Variants in PCDHGA7 observed in about 807,000 individuals in gnomAD.
The protein encoded by PCDHGA7 is protocadherin gamma-A7.
PCDHGA7 carries 44 observed loss-of-function variants against 58.3 expected under a neutral mutation model. The observed-to-expected ratio is 0.75, with a 90% CI of 0.59 to 0.97. PCDHGA7 has a LOEUF of 0.97. PCDHGA7 is among the 50% of genes least tolerant of loss of function. The probability of loss-of-function intolerance (pLI) is 0.00; values close to 1 mark genes in which losing one functional copy is unlikely to be tolerated. For missense variants in PCDHGA7, 1,266 were observed against 1,188.7 expected (o/e 1.06, Z -0.96); for synonymous variants, 516 against 504.2 (o/e 1.02, Z -0.31).
intron 1 of PCDHGA7, chr5:141,388,157 C>T (rs750936402): frequency 1.4e-6 from 2 of 1,469,104 alleles, no homozygotes; most frequent in Non-Finnish European, 1.9e-6. Flanking sequence ...GCAGGCTAGA[C>T]AGGGAGGAGA....
intron 1 of PCDHGA7, among the ~76,000 whole-genome samples, chr5:141,406,087 T>TA (rs113984376): frequency 6.7e-6 from 1 of 148,544 alleles, no homozygotes; most frequent in African/African-American, 2.5e-5. Flanking sequence ...TTTTTTTTTT[T>TA]AAGAGATGGG....
intron 1 of PCDHGA7, chr5:141,389,425 C>G (rs1464186383): frequency 6.2e-7 from 1 of 1,613,500 alleles, no homozygotes. Context: ...GTGGTGTTCG[C>G]GCAGCGCGCC....
chr5:141,476,039 C>T lies in PCDHGA7; in HGVS notation c.2425-18768C>T. The T allele has an allele frequency of 1.3e-6, 2 of 1,484,358 alleles. No homozygotes were observed. The highest frequency in any genetic ancestry group is 1.8e-6 in the Non-Finnish European group (2 of 1,117,328). The allele number at this position is 1,484,358 out of a possible 1,614,324, so 91.9% of individuals were successfully genotyped here. On this transcript the variant is annotated intron_variant, in intron 1 of 3. Coordinates refer to ENST00000518325, the MANE Select transcript of PCDHGA7 (RefSeq NM_018920.4). The surrounding 1 kb of genome is among the most constrained non-coding windows in gnomAD (Gnocchi z 7.6). Reference sequence around the variant, plus strand: ...TCGGACTCGGCGCCCAGCGCCCAAGCGCTAACCCGCTGAAAGTTTCTCAGC... The same window carrying T: ...TCGGACTCGGCGCCCAGCGCCCAAGTGCTAACCCGCTGAAAGTTTCTCAGC...
chr5:141,392,713 G>A, intron 1 of PCDHGA7: 3 of 1,363,444 alleles, frequency 2.2e-6, no homozygotes, highest in Non-Finnish European at 2.9e-6. Context: ...AGGCACTCCA[G>A]GTTTCCGGAG....
At chr5:141,398,287 C>G in intron 1 of PCDHGA7, 1 of 1,396,196 alleles carries the variant, frequency 7.2e-7, no homozygotes, top group Non-Finnish European at 9.8e-7. Flanking sequence ...CGCCACGGAC[C>G]TGGGGTTCAG....
intron 2 of PCDHGA7, among the ~76,000 whole-genome samples, 170 bp from the exon 3 acceptor site, chr5:141,505,223 A>G (rs746167057): frequency 1.9e-4 from 29 of 152,176 alleles, no homozygotes; most frequent in Admixed American, 6.5e-5. Flanking sequence ...GACTTGTGGG[A>G]TTCTGGCTTC....
chr5:141,429,534 A>G (rs1036595279), intron 1 of PCDHGA7, among the ~76,000 whole-genome samples: 1 of 152,222 alleles, frequency 6.6e-6, no homozygotes. Context: ...GCTTAAAAAA[A>G]TAAGAACATG....
At position 141,393,231 on chromosome 5, in the gene PCDHGA7, G is replaced by A. The variant is rs1309107381; in HGVS notation, c.2424+7908G>A. On this transcript the variant is annotated intron_variant, in intron 1 of 3. Transcript: ENST00000518325. Reference sequence around the variant, plus strand: ...AAAATTCCAGGTCGAAGATCTAGAAGTAAAAATTAACGAAATCGCGGTTCC... The same window carrying A: ...AAAATTCCAGGTCGAAGATCTAGAAATAAAAATTAACGAAATCGCGGTTCC... 2.5e-6 allele frequency: 4 copies of A among 1,613,738 alleles called. 1 individual carries two copies. In the South Asian group the frequency reaches 4.4e-5, roughly 18 times the overall value.
intron 1 of PCDHGA7, chr5:141,398,850 A>T (rs2093714845): frequency 6.2e-7 from 1 of 1,613,864 alleles, no homozygotes; most frequent in East Asian, 2.2e-5. Context: ...ATCCCCCGGT[A>T]TTCAACCGAG....
rs1036223789 is a variant in PCDHGA7, at chr5:141,511,298, G to C, written c.*125G>C. 49 of 1,502,412 alleles carry C rather than the reference G, an allele frequency of 3.3e-5. No homozygotes were observed. The African/African-American group carries it at 6.7e-4, about 20-fold the overall frequency. 93.1% of individuals were successfully genotyped at this position (1,502,412 alleles called of 1,614,324 possible). A position where few individuals can be genotyped will look rare whatever the true frequency, so the allele number is the denominator to read the frequency against. The stretch of plus-strand genomic sequence containing the variant: ...GAATACTGGTAGGGGCCAAGGCCAT[G>C]CTCCCCTTGGGAAACAGAAACAAGT... On this transcript the variant is annotated 3_prime_UTR_variant, in exon 4 of 4. Coordinates refer to ENST00000518325, the MANE Select transcript of PCDHGA7 (RefSeq NM_018920.4).
intron 1 of PCDHGA7, among the ~76,000 whole-genome samples, chr5:141,435,286 A>G (rs1179151461): frequency 6.6e-6 from 1 of 152,194 alleles, no homozygotes; most frequent in Non-Finnish European, 1.5e-5. Context: ...CAGTATCCCA[A>G]GTCATTTCAT....
chr5:141,419,999 C>T (rs369649545), intron 1 of PCDHGA7: 4 of 1,613,960 alleles, frequency 2.5e-6, no homozygotes, highest in Non-Finnish European at 3.4e-6. Flanking sequence ...TATTGCTCTA[C>T]GCCTGCGACA....
intron 1 of PCDHGA7, chr5:141,389,767 G>T: frequency 1.2e-6 from 2 of 1,613,028 alleles, no homozygotes; most frequent in Non-Finnish European, 1.7e-6. Context: ...CGCACAGCGC[G>T]TGCCTTAGGC....
chr5:141,395,096 C>T (rs769366827), intron 1 of PCDHGA7: 4 of 1,614,068 alleles, frequency 2.5e-6, no homozygotes, highest in African/African-American at 2.7e-5. Flanking sequence ...CCCTCACCGC[C>T]GACTCGCGGA....
intron 1 of PCDHGA7, chr5:141,422,646 C>T (rs748692494): frequency 5.0e-6 from 8 of 1,611,836 alleles, no homozygotes; most frequent in Non-Finnish European, 6.8e-6. Flanking sequence ...CCTCCATCTT[C>T]TCAGTGACCG....
In PCDHGA7 at chr5:141,485,818, C is replaced by T; in HGVS notation, c.2425-8989C>T. 6 of 1,613,912 alleles carry T rather than the reference C, an allele frequency of 3.7e-6. No homozygotes were observed. The highest frequency in any genetic ancestry group is 5.1e-6 in the Non-Finnish European group (6 of 1,179,974). On this transcript the variant is annotated intron_variant, in intron 1 of 3. Transcript: ENST00000518325. This position sits in a 1 kb window ranked among gnomAD's most constrained non-coding sequence, Gnocchi z 5.7. ...ACTACCGCCTGGTGCTGACTGCTGTCGATGGAGGGAACCCGCCGAGATCTG... is the reference window on the plus strand; with the variant it reads ...ACTACCGCCTGGTGCTGACTGCTGTTGATGGAGGGAACCCGCCGAGATCTG...
In PCDHGA7 at chr5:141,485,433, A is replaced by G. The variant is rs2099613324; in HGVS notation, c.2425-9374A>G. On this transcript the variant is annotated intron_variant, in intron 1 of 3. Transcript: ENST00000518325. The surrounding 1 kb of genome is among the most constrained non-coding windows in gnomAD (Gnocchi z 5.7). The stretch of plus-strand genomic sequence containing the variant: ...TTGGACAGCGGAGCCCTGCTCATCA[A>G]GAACCCAATCGACCGAGAGGCACTG... 6 of 1,614,208 alleles carry G rather than the reference A, an allele frequency of 3.7e-6. No homozygotes were observed. Among genetic ancestry groups the G allele is most frequent in the Non-Finnish European group, 5.1e-6 (6 of 1,180,030 alleles).
chr5:141,402,903 A>C, intron 1 of PCDHGA7: 1 of 1,525,170 alleles, frequency 6.6e-7, no homozygotes, highest in East Asian at 2.3e-5. Context: ...GAACCTGATG[A>C]AGCAGCGCGC....
chr5:141,421,160 A>T, intron 1 of PCDHGA7: 1 of 1,250,104 alleles, frequency 8.0e-7, no homozygotes, highest in Non-Finnish European at 1.1e-6. Flanking sequence ...CTAGGACTTC[A>T]TAGATACATA....
Sources: gnomAD v4.1 joint callset for allele counts (sites outside exome capture counted in the v4.1 genomes callset) on GRCh38, gnomAD v4.1.1 for gene constraint, Gnocchi (gnomAD v3.1) non-coding constraint, MANE v1.5 for transcripts, NCBI Gene and HGNC (gene_info 2026-07-23, HGNC 2026-07-21) for gene names.